Variants in ADGRG7 observed in about 807,000 individuals in gnomAD.
ADGRG7 encodes the protein adhesion G protein-coupled receptor G7.
ADGRG7 carries 82 observed loss-of-function variants against 88.6 expected under a neutral mutation model. The observed-to-expected ratio is 0.93, with a 90% CI of 0.77 to 1.11. The LOEUF (loss-of-function observed/expected upper bound fraction) is 1.11. ADGRG7 is among the 50% of genes most tolerant of loss of function. ADGRG7 has a pLI of 0.00. For missense variants in ADGRG7, 945 were observed against 953.4 expected, an observed-to-expected ratio of 0.99 and a Z score of 0.12; for synonymous variants, 381 against 345.2, an observed-to-expected ratio of 1.10 and a Z score of -1.15.
chr3:100,659,929 G>A, intron 14 of ADGRG7, 86 bp downstream of exon 14: 1 of 1,305,598 alleles, frequency 7.7e-7, no homozygotes. Context: ...AGTTTCAGAA[G>A]CTTTCAAACT....
chr3:100,687,501 T>C (rs539586281), intron 15 of ADGRG7, among the ~76,000 whole-genome samples: 3 of 152,308 alleles, frequency 2.0e-5, no homozygotes, highest in South Asian at 2.1e-4. Flanking sequence ...CAGTATGATA[T>C]TGGCTGTGCG....
At chr3:100,623,895 G>A (rs1707346563) in intron 1 of ADGRG7, among the ~76,000 whole-genome samples, 1 of 151,976 alleles carries the variant, frequency 6.6e-6, no homozygotes, top group African/African-American at 2.4e-5. Context: ...CCTTTTTATG[G>A]CTGCATAGTA....
At chr3:100,645,732 GA>G (rs573600111) in intron 8 of ADGRG7, among the ~76,000 whole-genome samples, 49 of 146,344 alleles carry the variant, frequency 3.3e-4, no homozygotes, top group African/African-American at 9.7e-4. Context: ...CTGAAGCTCA[GA>G]AAAAAAAAAA....
chr3:100,613,122 T>C (rs1179506247), intron 1 of ADGRG7, among the ~76,000 whole-genome samples: 7 of 152,186 alleles, frequency 4.6e-5, no homozygotes, highest in African/African-American at 1.7e-4. Flanking sequence ...ACTCCTGACC[T>C]TAAGTGATCT....
chr3:100,630,834 T>C (rs771263196), intron 3 of ADGRG7, 25 bp downstream of exon 3: 1 of 1,266,318 alleles, frequency 7.9e-7, no homozygotes, highest in Non-Finnish European at 1.1e-6. Context: ...AAACATTTAC[T>C]CTATGCATAA....
intron 1 of ADGRG7, among the ~76,000 whole-genome samples, chr3:100,620,066 G>C (rs1192017050): frequency 6.6e-6 from 1 of 152,180 alleles, no homozygotes; most frequent in African/African-American, 2.4e-5. Flanking sequence ...TATGAGGCCA[G>C]CCTCATCCTG....
intron 1 of ADGRG7, among the ~76,000 whole-genome samples, chr3:100,626,459 G>A (rs996953611): frequency 6.6e-6 from 1 of 152,114 alleles, no homozygotes; most frequent in Non-Finnish European, 1.5e-5. Context: ...TCCATACAAG[G>A]TATATATCTC....
chr3:100,633,128 TG>T (rs1344436751), intron 3 of ADGRG7, 136 bp from the exon 4 acceptor site: 5 of 400,126 alleles, frequency 1.2e-5, no homozygotes, highest in Non-Finnish European at 2.2e-5. Context: ...AGATAATAAG[TG>T]GTATCTGCCT....
intron 1 of ADGRG7, among the ~76,000 whole-genome samples, chr3:100,613,531 C>A (rs1177150241): frequency 9.1e-6 from 1 of 110,024 alleles, no homozygotes; most frequent in Non-Finnish European, 2.1e-5. Context: ...ATAACCACCC[C>A]CTAAATTAAA....
chr3:100,681,187 ATTTG>A (rs1426878814), intron 15 of ADGRG7, among the ~76,000 whole-genome samples: 1 of 151,762 alleles, frequency 6.6e-6, no homozygotes, highest in Non-Finnish European at 1.5e-5. Context: ...ATAAAAATAA[ATTTG>A]TTTGACTTTG....
intron 10 of ADGRG7, among the ~76,000 whole-genome samples, chr3:100,647,004 A>T (rs928481384): frequency 8.5e-5 from 13 of 152,272 alleles, no homozygotes; most frequent in Admixed American, 2.0e-4. Flanking sequence ...CTAAAAATAC[A>T]GAAATTACCA....
Position 100,643,670 on chromosome 3 carries a change from C to T in ADGRG7, c.946+37C>T, listed in dbSNP as rs181921823. On this transcript the variant is annotated intron_variant, in intron 8 of 15. Transcript: ENST00000273352. Reference sequence around the variant, plus strand: ...ACTTTGTGACATTTAAAAAAATGGACTCGAATTCATGGAACTAATAACTTC... The same window carrying T: ...ACTTTGTGACATTTAAAAAAATGGATTCGAATTCATGGAACTAATAACTTC... The T allele has an allele frequency of 2.9e-6, 4 of 1,372,916 alleles. No individual in the cohort carries two copies. In the East Asian group the frequency reaches 6.9e-5, roughly 24 times the overall value. 85.0% of individuals were successfully genotyped at this position (1,372,916 alleles called of 1,614,324 possible).
At chr3:100,686,305 T>C (rs2094982536) in intron 15 of ADGRG7, among the ~76,000 whole-genome samples, 1 of 152,168 alleles carries the variant, frequency 6.6e-6, no homozygotes, top group African/African-American at 2.4e-5. Flanking sequence ...GTTCCAAAAA[T>C]TTTCTCCCAT....
rs762917368 is a variant in ADGRG7 at position 100,659,784 on chromosome 3, T to C, written c.1920T>C (p.Val640=). 2 of 1,614,128 alleles carry C rather than the reference T, an allele frequency of 1.2e-6. No homozygotes were observed. Among genetic ancestry groups the C allele is most frequent in the African/African-American group, 2.7e-5 (2 of 75,052 alleles). The stretch of plus-strand genomic sequence containing the variant: ...TAACCATTATCCTCATCAGCAATGT[T>C]GTTATGTTTATTACAATCTCGATCA... ...VPVTIILISN[V]VMFITISIKV... The change falls in exon 14 of 16, where the codon GTT becomes GTC. Residue 640 remains valine, a synonymous_variant. Coordinates refer to ENST00000273352, the MANE Select transcript of ADGRG7 (RefSeq NM_032787.3).
chr3:100,691,375 A>G (rs1210211678), intron 15 of ADGRG7, among the ~76,000 whole-genome samples: 1 of 151,946 alleles, frequency 6.6e-6, no homozygotes, highest in African/African-American at 2.4e-5. Flanking sequence ...ACTGTCTTGC[A>G]CCCACTGTCT....
intron 1 of ADGRG7, among the ~76,000 whole-genome samples, chr3:100,625,739 G>C (rs1707371700): frequency 6.6e-6 from 1 of 152,098 alleles, no homozygotes; most frequent in African/African-American, 2.4e-5. Context: ...TAACATGAAG[G>C]GATGTTGAAT....
Position 100,661,605 on chromosome 3 carries a change from C to T in ADGRG7, c.1979+1762C>T, listed in dbSNP as rs557065482. ...CTAAACCATTAATGTTTCAAGCCTC[C>T]TGAATGAGATTATATTGGACCATGG... On this transcript the variant is annotated intron_variant, in intron 14 of 15. Coordinates refer to ENST00000273352, the MANE Select transcript of ADGRG7 (RefSeq NM_032787.3). Among the ~76,000 whole-genome samples the T allele has an allele frequency of 5.3e-5, 8 of 152,230 alleles. No homozygotes were observed. The South Asian group carries it at 1.0e-3, about 20-fold the overall frequency.
rs1212336066 is a variant in ADGRG7 at position 100,609,986 on chromosome 3, C to T, written c.115+15C>T. ...GATCCAAAGAGGTAATGTTGTCCTG[C>T]TATGTTTAACTCAGAGTAAGAGAAG... is the stretch of plus-strand genomic sequence containing the variant. On this transcript the variant is annotated intron_variant, in intron 1 of 15. Transcript: ENST00000273352. 1.3e-6 allele frequency: 2 copies of T among 1,587,382 alleles called. No homozygotes were observed. The highest frequency in any genetic ancestry group is 2.2e-5 in the South Asian group (2 of 90,508).
intron 14 of ADGRG7, among the ~76,000 whole-genome samples, chr3:100,661,178 A>G (rs897383858): frequency 2.0e-5 from 3 of 152,178 alleles, no homozygotes; most frequent in Non-Finnish European, 4.4e-5. Flanking sequence ...GAAACTATTA[A>G]ACACATATAC....
Sources: gnomAD v4.1 joint callset for allele counts (sites outside exome capture counted in the v4.1 genomes callset) on GRCh38, gnomAD v4.1.1 for gene constraint, MANE v1.5 for transcripts, NCBI Gene and HGNC (gene_info 2026-07-23, HGNC 2026-07-21) for gene names.